SEC24D: variants seen among roughly 807,000 people sequenced by gnomAD.
SEC24D encodes the protein SEC24 homolog D, COPII component.
Under a neutral mutation model 116.9 loss-of-function variants are expected in SEC24D, and 69 were observed. That is an observed-to-expected ratio of 0.59 (90% CI 0.49 to 0.72). The LOEUF (loss-of-function observed/expected upper bound fraction) is 0.72. SEC24D is among the 30% of genes least tolerant of loss of function. SEC24D has a pLI of 0.00. For synonymous variants in SEC24D, 405 were observed against 442.8 expected (o/e 0.91, Z 1.07); for missense variants, 1,131 against 1,264.1 (o/e 0.89, Z 1.60).
chr4:118,823,295 A>G (rs906488480), intron 3 of SEC24D, among the ~76,000 whole-genome samples: 1 of 152,194 alleles, frequency 6.6e-6, no homozygotes, highest in Non-Finnish European at 1.5e-5. Flanking sequence ...GGCAAATGTC[A>G]TGTTATCATG....
chr4:118,749,743 G>A (rs1035355532), intron 13 of SEC24D, among the ~76,000 whole-genome samples: 2 of 152,126 alleles, frequency 1.3e-5, no homozygotes, highest in African/African-American at 4.8e-5. Context: ...ACTCTAAGCA[G>A]CCTAGGGGCA....
At position 118,791,830 on chromosome 4, in the gene SEC24D, A is replaced by G. The variant is rs1054986622; in HGVS notation, c.1041+5853T>C. Among the ~76,000 whole-genome samples, 3 of 152,132 alleles carry G rather than the reference A, an allele frequency of 2.0e-5. No homozygotes were observed. The East Asian group carries it at 5.8e-4, about 29-fold the overall frequency. On this transcript the variant is annotated intron_variant, in intron 8 of 22. Transcript: ENST00000280551. Reference sequence around the variant, plus strand: ...CGGAGTCTCGCTCACTCAGCGCTCAATGTTGCCCAGGCTGGAGTGCAGTGG... The same window carrying G: ...CGGAGTCTCGCTCACTCAGCGCTCAGTGTTGCCCAGGCTGGAGTGCAGTGG...
At chr4:118,794,519 A>G (rs913867418) in intron 8 of SEC24D, among the ~76,000 whole-genome samples, 4 of 152,206 alleles carry the variant, frequency 2.6e-5, no homozygotes, top group Non-Finnish European at 4.4e-5. Context: ...ATACAATAGA[A>G]TTGCTTCCTA....
chr4:118,818,432 C>T (rs762631420), intron 3 of SEC24D, among the ~76,000 whole-genome samples: 1 of 152,142 alleles, frequency 6.6e-6, no homozygotes, highest in Non-Finnish European at 1.5e-5. Flanking sequence ...AGCGTTTTTC[C>T]AGGTCTTCAG....
chr4:118,758,634 A>G (rs1727229044), intron 10 of SEC24D: 1 of 152,156 alleles, frequency 6.6e-6, no homozygotes, highest in South Asian at 2.1e-4. Context: ...TGACCTACAT[A>G]CGGAATAAAG....
rs1408143184 is a variant in SEC24D at position 118,797,621 on chromosome 4, G to A, written c.1041+62C>T. The stretch of plus-strand genomic sequence containing the variant: ...TTATAGAATAATGTATAAGAAAATT[G>A]TGAGAAAATGGTAATTTTGGAATTG... On this transcript the variant is annotated intron_variant, in intron 8 of 22. Transcript: ENST00000280551. 3.9e-6 allele frequency: 5 copies of A among 1,290,920 alleles called. No homozygotes were observed. The African/African-American group carries it at 4.4e-5, about 11-fold the overall frequency. 80.0% of individuals were successfully genotyped at this position (1,290,920 alleles called of 1,614,324 possible).
chr4:118,758,131 T>G (rs984562397), intron 10 of SEC24D, among the ~76,000 whole-genome samples: 2 of 152,208 alleles, frequency 1.3e-5, no homozygotes, highest in Admixed American at 6.6e-5. Flanking sequence ...AAAGCTTTAT[T>G]ATTACAGTTG....
At chr4:118,829,390 T>C (rs13145450) in intron 2 of SEC24D, among the ~76,000 whole-genome samples, 22,812 of 152,052 alleles carry the variant, frequency 0.15, 1,824 homozygotes, top group Non-Finnish European at 0.17. Context: ...GGCACACCTA[T>C]AATCCTGGCC....
Position 118,731,478 on chromosome 4 carries a change from T to C in SEC24D, c.2706A>G (p.Leu902=). The C allele has an allele frequency of 6.2e-7, 1 of 1,614,088 alleles. No homozygotes were observed. Among genetic ancestry groups the C allele is most frequent in the Non-Finnish European group, 8.5e-7 (1 of 1,179,990 alleles). The stretch of plus-strand genomic sequence containing the variant: ...ACTCAGAGCAACGAACGGCAGCAGG[T>C]AACATTGTACTCTTGACATCTAACG... ...IHTLDVKSTM[L]PAAVRCSESR... is the part of the protein sequence containing the mutation. Residue 902 remains leucine (L), a synonymous_variant, in exon 21 of 23, where the codon TTA becomes TTG. Coordinates refer to ENST00000280551, the MANE Select transcript of SEC24D (RefSeq NM_014822.4).
rs1036041279 is a variant in SEC24D, at chr4:118,723,325, G to A, written c.*190C>T. ...ATCAGAAACAGATTGTTCCCTTTAT[G>A]GTACAATTGTACCTTAATTGGCTTT... On this transcript the variant is annotated 3_prime_UTR_variant, in exon 23 of 23. Transcript: ENST00000280551. The A allele has an allele frequency of 3.9e-6, 2 of 508,684 alleles. No homozygotes were observed. The allele number at this position is 508,684 out of a possible 1,614,324, so 31.5% of individuals were successfully genotyped here. A position where few individuals can be genotyped will look rare whatever the true frequency, so the allele number is the denominator to read the frequency against.
intron 6 of SEC24D, among the ~76,000 whole-genome samples, chr4:118,810,773 T>A (rs751611517): frequency 1.5e-4 from 22 of 151,520 alleles, no homozygotes; most frequent in Non-Finnish European, 2.5e-4. Context: ...TAAATGCCAA[T>A]GGAGAAAGGA....
chr4:118,780,195 G>C (rs1040825593), intron 8 of SEC24D, among the ~76,000 whole-genome samples: 2 of 151,966 alleles, frequency 1.3e-5, no homozygotes, highest in African/African-American at 4.8e-5. Context: ...GTGATGTTAG[G>C]GTGTCGATTT....
chr4:118,803,555 C>G (rs1729543568), intron 7 of SEC24D, among the ~76,000 whole-genome samples: 2 of 152,162 alleles, frequency 1.3e-5, no homozygotes, highest in African/African-American at 4.8e-5. Context: ...TGTGTTTTAT[C>G]TTTCTAATAT....
At position 118,751,980 on chromosome 4, in the gene SEC24D, A is replaced by T; in HGVS notation, c.1707+16T>A. 1 of 1,516,840 alleles carries T rather than the reference A, an allele frequency of 6.6e-7. No individual in the cohort carries two copies. Among genetic ancestry groups the T allele is most frequent in the Non-Finnish European group, 9.1e-7 (1 of 1,097,196 alleles). 94.0% of individuals were successfully genotyped at this position (1,516,840 alleles called of 1,614,324 possible). A position where few individuals can be genotyped will look rare whatever the true frequency, so the allele number is the denominator to read the frequency against. On this transcript the variant is annotated intron_variant, in intron 13 of 22. Coordinates refer to ENST00000280551, the MANE Select transcript of SEC24D (RefSeq NM_014822.4). ...TAAAATTTATTTACTAGCAATTAGA[A>T]GTGGCTTCTTCTCACCTTTAGTGCT...
chr4:118,815,039 TAG>T lies in SEC24D; in HGVS notation c.788_789del (p.Ser263TyrfsTer3), dbSNP rs1730078066. 6.2e-7 allele frequency: 1 copy of T among 1,614,106 alleles called. No homozygotes were observed. Among genetic ancestry groups the T allele is most frequent in the Non-Finnish European group, 8.5e-7 (1 of 1,179,998 alleles). ...AGAAGAGTACTTACTGGGCTAGGGA[TAG>T]AGTCAGGATCCAGCTTCTTCTGGGG... ...PQPQKKLDPD[S>X]IPSPIQVIEN... On this transcript the variant is annotated frameshift_variant, in exon 6 of 23. Coordinates refer to ENST00000280551, the MANE Select transcript of SEC24D (RefSeq NM_014822.4). LOFTEE classifies it high-confidence loss of function.
intron 8 of SEC24D, among the ~76,000 whole-genome samples, chr4:118,784,835 G>T (rs1020399168): frequency 1.3e-5 from 2 of 151,680 alleles, no homozygotes; most frequent in African/African-American, 4.9e-5. Context: ...CTGGAGTGGG[G>T]GGAGAATAAT....
chr4:118,834,016 G>A (rs530835746), intron 1 of SEC24D, among the ~76,000 whole-genome samples: 3 of 152,324 alleles, frequency 2.0e-5, no homozygotes, highest in African/African-American at 7.2e-5. Context: ...ATGGAAGCCT[G>A]AAGCATCTCA....
intron 8 of SEC24D, among the ~76,000 whole-genome samples, chr4:118,788,939 C>T (rs1462496644): frequency 6.6e-6 from 1 of 152,164 alleles, no homozygotes; most frequent in Non-Finnish European, 1.5e-5. Context: ...CTATGCCCAG[C>T]CCACTGCTGA....
intron 6 of SEC24D, among the ~76,000 whole-genome samples, chr4:118,812,073 G>A (rs1456426072): frequency 6.6e-6 from 1 of 152,104 alleles, no homozygotes; most frequent in African/African-American, 2.4e-5. Context: ...AAAAGGCCAC[G>A]TACACTCCTA....
Sources: allele counts gnomAD v4.1 joint callset (sites outside exome capture counted in the v4.1 genomes callset), GRCh38; gene constraint gnomAD v4.1.1; transcripts MANE v1.5; gene names NCBI Gene and HGNC (gene_info 2026-07-23, HGNC 2026-07-21).